CCDC30: variants seen among roughly 807,000 people sequenced by gnomAD.
The protein encoded by CCDC30 is coiled-coil domain containing 30.
A neutral mutation model predicts 100.2 loss-of-function variants in CCDC30; 70 were observed. The ratio of observed to expected loss-of-function variants is 0.70; its 90% confidence interval spans 0.58 to 0.85. CCDC30 has a LOEUF of 0.85. Ranked by LOEUF, CCDC30 falls within the 40% of genes least tolerant of loss-of-function variation. The pLI, the probability that CCDC30 is intolerant of heterozygous loss-of-function variation, is 0.00. For synonymous variants in CCDC30, 233 were observed against 269.5 expected, an observed-to-expected ratio of 0.86 and a Z score of 1.33; for missense variants, 652 against 771.2, an observed-to-expected ratio of 0.85 and a Z score of 1.83.
At chr1:42,593,453 C>T (rs1213379222) in intron 10 of CCDC30, 2 of 152,214 alleles carry the variant, frequency 1.3e-5, no homozygotes, top group Non-Finnish European at 2.9e-5. Context: ...CTAGAAGCTC[C>T]CTAAACCCTG....
At chr1:42,479,456 C>T (rs936181388) in intron 1 of CCDC30, among the ~76,000 whole-genome samples, 2 of 151,498 alleles carry the variant, frequency 1.3e-5, no homozygotes, top group African/African-American at 4.9e-5. Flanking sequence ...GAAATAAGCC[C>T]ACAAGTACAC....
chr1:42,551,474 A>G (rs1273317267), intron 6 of CCDC30, among the ~76,000 whole-genome samples: 1 of 152,170 alleles, frequency 6.6e-6, no homozygotes, highest in Non-Finnish European at 1.5e-5. Context: ...AACAGGAGGA[A>G]GCAAAAATTT....
At chr1:42,606,648 T>C (rs911877972) in intron 10 of CCDC30, among the ~76,000 whole-genome samples, 3 of 152,172 alleles carry the variant, frequency 2.0e-5, no homozygotes, top group Admixed American at 1.3e-4. Context: ...AAAAGAAATC[T>C]CTCGTGGGTC....
chr1:42,456,730 C>A, the CCDC30 span: 1 of 1,610,298 alleles, frequency 6.2e-7, no homozygotes, highest in South Asian at 1.1e-5. Flanking sequence ...GGCCGGTGCG[C>A]TTCCTGGACA....
the CCDC30 span, among the ~76,000 whole-genome samples, chr1:42,457,816 G>A: frequency 0.23 from 34,634 of 151,958 alleles, 4,947 homozygotes; most frequent in Non-Finnish European, 0.31. Flanking sequence ...TTAGCCGGGC[G>A]TGGTGGCAGG....
rs376006908 is a variant in CCDC30, at chr1:42,536,601, G to T, written c.457-29695G>T. ...AGAAGGCCTTGAAAGTTGAAAGTGA[G>T]GTATTACCATTCAGGAAGCTGTTTT... On this transcript the variant is annotated intron_variant, in intron 6 of 16. Coordinates refer to ENST00000668663, the Ensembl canonical transcript of CCDC30. 25 of 1,582,754 alleles carry T rather than the reference G, an allele frequency of 1.6e-5. No homozygotes were observed. The Admixed American group carries it at 2.3e-4, about 14-fold the overall frequency.
intron 4 of CCDC30, among the ~76,000 whole-genome samples, chr1:42,492,947 A>C (rs1644170029): frequency 6.6e-6 from 1 of 152,008 alleles, no homozygotes; most frequent in South Asian, 2.1e-4. Flanking sequence ...ACCCGGCCTA[A>C]AAAGATATTT....
intron 4 of CCDC30, among the ~76,000 whole-genome samples, chr1:42,496,151 G>GTA (rs1168706317): frequency 1.9e-4 from 28 of 151,168 alleles, no homozygotes; most frequent in Non-Finnish European, 2.2e-4. Context: ...GTGTGTGTGT[G>GTA]TGTGTGTGTA....
intron 9 of CCDC30, among the ~76,000 whole-genome samples, chr1:42,584,805 C>T (rs1233262274): frequency 6.6e-6 from 1 of 152,124 alleles, no homozygotes; most frequent in African/African-American, 2.4e-5. Context: ...TAACAGACCA[C>T]ACTGAGTTTG....
chr1:42,546,325 C>T (rs185756228), intron 6 of CCDC30, among the ~76,000 whole-genome samples: 3 of 143,894 alleles, frequency 2.1e-5, no homozygotes, highest in Non-Finnish European at 3.0e-5. Flanking sequence ...GTGGAGGTTG[C>T]GGTGAGCCGA....
At chr1:42,633,305 G>T (rs1243423961) in intron 11 of CCDC30, among the ~76,000 whole-genome samples, 1 of 152,114 alleles carries the variant, frequency 6.6e-6, no homozygotes, top group East Asian at 1.9e-4. Context: ...GCTTCACATA[G>T]CTCAGACTGC....
intron 6 of CCDC30, among the ~76,000 whole-genome samples, chr1:42,545,162 TAAAAAAA>T (rs57060353): frequency 3.6e-4 from 23 of 64,716 alleles, no homozygotes; most frequent in Admixed American, 1.5e-3. Context: ...AAAATACCTT[TAAAAAAA>T]AAAAAAAAAA....
chr1:42,464,603 G>C (rs190733570), intron 1 of CCDC30, among the ~76,000 whole-genome samples: 7 of 152,308 alleles, frequency 4.6e-5, no homozygotes, highest in African/African-American at 1.7e-4. Flanking sequence ...AGACACAATT[G>C]TTCTAAAAAG....
At chr1:42,588,948 A>G (rs1227471019) in intron 9 of CCDC30, among the ~76,000 whole-genome samples, 1 of 152,168 alleles carries the variant, frequency 6.6e-6, no homozygotes, top group East Asian at 1.9e-4. Context: ...TAGTGCTTGT[A>G]ACTAACATTA....
intron 6 of CCDC30, chr1:42,545,575 C>A: frequency 6.2e-7 from 1 of 1,600,124 alleles, no homozygotes; most frequent in Non-Finnish European, 8.5e-7. Context: ...GACAGAGGAA[C>A]TCTGGTAAAT....
intron 1 of CCDC30, among the ~76,000 whole-genome samples, chr1:42,477,661 AC>A (rs938782064): frequency 3.3e-5 from 5 of 152,200 alleles, no homozygotes; most frequent in Non-Finnish European, 7.3e-5. Flanking sequence ...TATGCATCCC[AC>A]ATTCTTCAAA....
At chr1:42,572,613 A>T (rs1005854035) in intron 7 of CCDC30, among the ~76,000 whole-genome samples, 11 of 152,012 alleles carry the variant, frequency 7.2e-5, no homozygotes, top group African/African-American at 2.7e-4. Flanking sequence ...TTATGTATTT[A>T]TGTATTTGCT....
At chr1:42,631,766 G>A (rs1424917651) in intron 11 of CCDC30, among the ~76,000 whole-genome samples, 1 of 152,156 alleles carries the variant, frequency 6.6e-6, no homozygotes, top group Non-Finnish European at 1.5e-5. Flanking sequence ...TACCATCACA[G>A]GCCCATGGAG....
At chr1:42,561,222 A>G (rs1380471444) in intron 6 of CCDC30, among the ~76,000 whole-genome samples, 1 of 152,214 alleles carries the variant, frequency 6.6e-6, no homozygotes, top group Non-Finnish European at 1.5e-5. Flanking sequence ...ATACTGGCAA[A>G]CCAAATCCAG....
Sources: gnomAD v4.1 joint callset for allele counts (sites outside exome capture counted in the v4.1 genomes callset) on GRCh38, gnomAD v4.1.1 for gene constraint, MANE v1.5 for transcripts, NCBI Gene and HGNC (gene_info 2026-07-23, HGNC 2026-07-21) for gene names.